SLC37A3: variants seen among roughly 807,000 people sequenced by gnomAD.
The protein encoded by SLC37A3 is sugar phosphate exchanger 3.
A neutral mutation model predicts 67.1 loss-of-function variants in SLC37A3; 51 were observed. The observed-to-expected ratio is 0.76, with a 90% CI of 0.61 to 0.96. The LOEUF (loss-of-function observed/expected upper bound fraction) is 0.96. Among genes scored for constraint, SLC37A3 ranks in the 40% least tolerant of loss-of-function variants. The probability of loss-of-function intolerance (pLI) is 0.00; values close to 1 mark genes in which losing one functional copy is unlikely to be tolerated. For synonymous variants in SLC37A3, 214 were observed against 231.4 expected (o/e 0.92, Z 0.68); for missense variants, 508 against 603.0 (o/e 0.84, Z 1.65).
At chr7:140,355,625 C>G (rs748832275) in intron 7 of SLC37A3, 43 bp downstream of exon 7, 42 of 1,426,250 alleles carry the variant, frequency 2.9e-5, no homozygotes, top group South Asian at 6.1e-5. Flanking sequence ...CATGTGCACA[C>G]AGAGAGAGAG....
chr7:140,380,770 CAG>C (rs1394989215), intron 2 of SLC37A3, among the ~76,000 whole-genome samples: 22 of 152,054 alleles, frequency 1.4e-4, no homozygotes, highest in Admixed American at 1.2e-3. Flanking sequence ...TTTGCAGCGA[CAG>C]AGTCTTGCTA....
At chr7:140,388,368 G>A (rs531877567) in intron 1 of SLC37A3, among the ~76,000 whole-genome samples, 15 of 150,208 alleles carry the variant, frequency 1.0e-4, no homozygotes, top group African/African-American at 2.7e-4. Flanking sequence ...GGGAGGTAGC[G>A]GTTTCAGTGA....
intron 6 of SLC37A3, among the ~76,000 whole-genome samples, chr7:140,357,564 GAA>G (rs146188700): frequency 4.8e-4 from 57 of 118,530 alleles, no homozygotes; most frequent in East Asian, 1.2e-3. Context: ...TTCTCTACAG[GAA>G]AAAAAAAAAA....
intron 6 of SLC37A3, among the ~76,000 whole-genome samples, chr7:140,357,564 GAAAA>G (rs146188700): frequency 8.4e-6 from 1 of 118,666 alleles, no homozygotes; most frequent in Non-Finnish European, 1.8e-5. Flanking sequence ...TTCTCTACAG[GAAAA>G]AAAAAAAAAA....
At chr7:140,381,462 C>A (rs1343411776) in intron 2 of SLC37A3, among the ~76,000 whole-genome samples, 1 of 151,738 alleles carries the variant, frequency 6.6e-6, no homozygotes, top group African/African-American at 2.4e-5. Context: ...GAGTTCGAGG[C>A]TGCAGTGAAC....
rs1289971562 is a variant in SLC37A3, at chr7:140,358,784, A to G, written c.377T>C (p.Val126Ala). 1.9e-6 allele frequency: 3 copies of G among 1,613,826 alleles called. No individual in the cohort carries two copies. The highest frequency in any genetic ancestry group is 2.5e-6 in the Non-Finnish European group (3 of 1,179,990). Residue 126 changes from valine (V) to alanine (A), a missense_variant and splice_region_variant, in exon 6 of 15, where the codon GTG becomes GCG. Coordinates refer to ENST00000326232, the MANE Select transcript of SLC37A3 (RefSeq NM_207113.3). ...SFGMCSSALV[V>A]FVFGALTEWL... is the part of the protein sequence containing the mutation. ...TTCTGTGAGCGCACCAAAGACAAACACCTTGAAGAGGAGGAAACAAAAGGA... is the reference window on the plus strand; with the variant it reads ...TTCTGTGAGCGCACCAAAGACAAACGCCTTGAAGAGGAGGAAACAAAAGGA...
chr7:140,375,052 A>AGAAGAATC (rs71170986), intron 3 of SLC37A3, among the ~76,000 whole-genome samples: 1 of 150,584 alleles, frequency 6.6e-6, no homozygotes, highest in African/African-American at 2.4e-5. Flanking sequence ...AGGCTGAGGC[A>AGAAGAATC]GAAGAATCGA....
rs556244270 is a variant in SLC37A3 at position 140,382,291 on chromosome 7, C to T, written c.89+147G>A. 2.4e-5 allele frequency: 16 copies of T among 679,764 alleles called. No homozygotes were observed. The East Asian group carries it at 3.6e-4, about 15-fold the overall frequency. 42.1% of individuals were successfully genotyped at this position (679,764 alleles called of 1,614,324 possible). On this transcript the variant is annotated intron_variant, in intron 2 of 14. Transcript: ENST00000326232. ...AGGGCAAAACAGCCCTCCAGAACTA[C>T]GATATTACAGCTATCAAGACTACAA... is the stretch of plus-strand genomic sequence containing the variant.
At chr7:140,389,659 G>T (rs1031159653) in intron 1 of SLC37A3, among the ~76,000 whole-genome samples, 1 of 152,282 alleles carries the variant, frequency 6.6e-6, no homozygotes. Context: ...TGAACCCACT[G>T]GGCGGTTACA....
intron 14 of SLC37A3, 107 bp downstream of exon 14, chr7:140,337,177 G>A: frequency 3.1e-6 from 2 of 638,852 alleles, no homozygotes; most frequent in Non-Finnish European, 5.0e-6. Context: ...TTTCACAAAG[G>A]AGCCTTTAAA....
At chr7:140,391,534 C>A (rs1186058302) in intron 1 of SLC37A3, among the ~76,000 whole-genome samples, 13 of 152,112 alleles carry the variant, frequency 8.5e-5, no homozygotes, top group Admixed American at 8.5e-4. Flanking sequence ...CCGGTCTGGG[C>A]GACAGAGTGA....
At chr7:140,361,720 C>A (rs1797307021) in intron 5 of SLC37A3, among the ~76,000 whole-genome samples, 1 of 150,092 alleles carries the variant, frequency 6.7e-6, no homozygotes, top group Admixed American at 6.6e-5. Flanking sequence ...GACTGGTTTT[C>A]GTTTTTTTTT....
chr7:140,368,299 C>T (rs1301820863), intron 4 of SLC37A3, among the ~76,000 whole-genome samples: 2 of 151,976 alleles, frequency 1.3e-5, no homozygotes, highest in African/African-American at 4.8e-5. Flanking sequence ...AGCGCAGTGG[C>T]TCACGCCTGT....
chr7:140,341,287 G>A (rs913891211), intron 13 of SLC37A3, among the ~76,000 whole-genome samples: 3 of 152,038 alleles, frequency 2.0e-5, no homozygotes, highest in Admixed American at 2.0e-4. Context: ...GGCAGATACT[G>A]CAATTTAATC....
chr7:140,350,432 T>C (rs1796745635), intron 9 of SLC37A3, among the ~76,000 whole-genome samples: 1 of 152,120 alleles, frequency 6.6e-6, no homozygotes, highest in Admixed American at 6.5e-5. Flanking sequence ...TGGAATGCAT[T>C]ACCAAGAAAG....
intron 5 of SLC37A3, 142 bp from the exon 6 acceptor site, chr7:140,358,927 A>T: frequency 1.9e-6 from 2 of 1,041,110 alleles, no homozygotes; most frequent in South Asian, 3.0e-5. Context: ...CGTGGCCAGC[A>T]TCACAAAGGT....
intron 5 of SLC37A3, among the ~76,000 whole-genome samples, chr7:140,359,485 C>G (rs1486706701): frequency 6.6e-6 from 1 of 152,230 alleles, no homozygotes; most frequent in Admixed American, 6.5e-5. Flanking sequence ...TTTCCCGGAG[C>G]AGTGCCAGGT....
chr7:140,359,994 C>A (rs1057500772), intron 5 of SLC37A3, among the ~76,000 whole-genome samples: 4 of 152,040 alleles, frequency 2.6e-5, no homozygotes, highest in Non-Finnish European at 5.9e-5. Flanking sequence ...AAAGTGCTTC[C>A]ATCTCTAAAA....
At chr7:140,398,119 G>C (rs1024434581) in intron 1 of SLC37A3, among the ~76,000 whole-genome samples, 2 of 152,182 alleles carry the variant, frequency 1.3e-5, no homozygotes, top group African/African-American at 4.8e-5. Context: ...CCGGAGGACA[G>C]GCGGGCGAGG....
Sources: allele counts gnomAD v4.1 joint callset (sites outside exome capture counted in the v4.1 genomes callset), GRCh38; gene constraint gnomAD v4.1.1; transcripts MANE v1.5; gene names NCBI Gene and HGNC (gene_info 2026-07-23, HGNC 2026-07-21).